RSRC1: variants seen among roughly 807,000 people sequenced by gnomAD.
RSRC1 encodes the protein serine/Arginine-related protein 53.
RSRC1 carries 39 observed loss-of-function variants against 49.1 expected under a neutral mutation model. The observed-to-expected ratio is 0.79, with a 90% CI of 0.61 to 1.04. The LOEUF is 1.04. Among genes scored for constraint, RSRC1 ranks in the 50% least tolerant of loss-of-function variants. The pLI, the probability that RSRC1 is intolerant of heterozygous loss-of-function variation, is 0.00. For synonymous variants in RSRC1, 143 were observed against 130.8 expected (o/e 1.09, Z -0.63); for missense variants, 388 against 402.4 (o/e 0.96, Z 0.31).
intron 5 of RSRC1, among the ~76,000 whole-genome samples, chr3:158,323,952 GAGAGAGAC>G (rs1429543181): frequency 2.0e-5 from 2 of 99,034 alleles, no homozygotes; most frequent in African/African-American, 6.8e-5. Flanking sequence ...TATATACACA[GAGAGAGAC>G]AGAGAATCAA....
chr3:158,224,809 A>G (rs181483520), intron 4 of RSRC1, among the ~76,000 whole-genome samples: 103 of 152,004 alleles, frequency 6.8e-4, no homozygotes, highest in African/African-American at 2.3e-3. Flanking sequence ...TGAACAAGCT[A>G]TGAAATGTAT....
chr3:158,234,750 A>G (rs1451347697), intron 4 of RSRC1, among the ~76,000 whole-genome samples: 3 of 152,178 alleles, frequency 2.0e-5, no homozygotes, highest in Non-Finnish European at 4.4e-5. Flanking sequence ...TGAAATAATC[A>G]TGGTGACAAA....
chr3:158,194,136 T>A (rs1433959359), intron 3 of RSRC1, among the ~76,000 whole-genome samples: 2 of 151,490 alleles, frequency 1.3e-5, no homozygotes, highest in Non-Finnish European at 2.9e-5. Context: ...GTGGCACAGC[T>A]GTAGTCCCAC....
intron 6 of RSRC1, among the ~76,000 whole-genome samples, chr3:158,381,928 T>C (rs1732722949): frequency 6.6e-6 from 1 of 152,176 alleles, no homozygotes. Flanking sequence ...TACACTAAAT[T>C]CATTTAAATT....
At chr3:158,532,208 G>T (rs1712439131) in intron 7 of RSRC1, among the ~76,000 whole-genome samples, 1 of 151,782 alleles carries the variant, frequency 6.6e-6, no homozygotes, top group Non-Finnish European at 1.5e-5. Context: ...AACATAAAAT[G>T]CATCTTTGGG....
At chr3:158,474,956 C>T (rs1738303737) in intron 7 of RSRC1, among the ~76,000 whole-genome samples, 2 of 152,178 alleles carry the variant, frequency 1.3e-5, no homozygotes, top group South Asian at 4.2e-4. Flanking sequence ...TGCTTAGTTG[C>T]CCAGCTGAAA....
At chr3:158,304,278 C>T (rs1452982995) in intron 5 of RSRC1, among the ~76,000 whole-genome samples, 1 of 152,076 alleles carries the variant, frequency 6.6e-6, no homozygotes, top group Non-Finnish European at 1.5e-5. Flanking sequence ...TATCAGGTTC[C>T]AATAAAAGCC....
intron 4 of RSRC1, among the ~76,000 whole-genome samples, chr3:158,233,559 G>C (rs867654073): frequency 6.6e-6 from 1 of 152,022 alleles, no homozygotes. Context: ...GTTTTAATTC[G>C]ATCTTAAAGC....
In RSRC1 at chr3:158,405,097, C is replaced by A. The variant is rs763556404; in HGVS notation, c.583+50189C>A. Among the ~76,000 whole-genome samples the A allele has an allele frequency of 3.3e-5, 5 of 152,022 alleles. No homozygotes were observed. In the South Asian group the frequency reaches 8.3e-4, roughly 25 times the overall value. On this transcript the variant is annotated intron_variant, in intron 6 of 9. Transcript: ENST00000611884. ...AAAAATCAAGCTAGCAGATTTTTTG[C>A]ATGAAAAATTAATTGCTGTATATAC...
intron 6 of RSRC1, among the ~76,000 whole-genome samples, chr3:158,425,536 G>A (rs1735373091): frequency 6.6e-6 from 1 of 151,944 alleles, no homozygotes; most frequent in African/African-American, 2.4e-5. Flanking sequence ...ATGTGGTGTG[G>A]TGCTGAAAAA....
intron 3 of RSRC1, among the ~76,000 whole-genome samples, chr3:158,151,817 A>G (rs1476872833): frequency 6.6e-6 from 1 of 152,196 alleles, no homozygotes; most frequent in African/African-American, 2.4e-5. Context: ...AATACTGTAC[A>G]AGTATTGCTC....
At chr3:158,291,585 ATTACT>A (rs1352925122) in intron 4 of RSRC1, among the ~76,000 whole-genome samples, 5 of 152,214 alleles carry the variant, frequency 3.3e-5, no homozygotes, top group Non-Finnish European at 7.4e-5. Flanking sequence ...AAAAATTGTC[ATTACT>A]TTACTGGGAG....
intron 5 of RSRC1, among the ~76,000 whole-genome samples, chr3:158,318,388 A>T (rs891761123): frequency 5.9e-5 from 9 of 152,186 alleles, no homozygotes; most frequent in Non-Finnish European, 1.2e-4. Flanking sequence ...ATATCTTTTT[A>T]TTCTAGCCTT....
At chr3:158,454,584 A>G (rs773252586) in intron 6 of RSRC1, among the ~76,000 whole-genome samples, 5 of 152,072 alleles carry the variant, frequency 3.3e-5, no homozygotes, top group African/African-American at 4.8e-5. Flanking sequence ...CCAAGATGCA[A>G]TCAGTATCTT....
At chr3:158,453,287 C>T (rs755579334) in intron 6 of RSRC1, among the ~76,000 whole-genome samples, 17 of 151,722 alleles carry the variant, frequency 1.1e-4, no homozygotes, top group Non-Finnish European at 2.4e-4. Flanking sequence ...GCACACATAT[C>T]TATAGAATAG....
intron 6 of RSRC1, among the ~76,000 whole-genome samples, chr3:158,448,018 T>C (rs1011792716): frequency 1.3e-5 from 2 of 151,864 alleles, no homozygotes; most frequent in South Asian, 2.1e-4. Flanking sequence ...TAGTGGAGTC[T>C]AAGATATGAT....
intron 4 of RSRC1, among the ~76,000 whole-genome samples, chr3:158,204,605 A>G (rs1721248534): frequency 6.6e-6 from 1 of 152,212 alleles, no homozygotes; most frequent in South Asian, 2.1e-4. Context: ...AGTCAGTAGG[A>G]TGATAAATTC....
At chr3:158,202,125 C>T (rs1044745222) in intron 3 of RSRC1, among the ~76,000 whole-genome samples, 11 of 152,094 alleles carry the variant, frequency 7.2e-5, no homozygotes, top group African/African-American at 2.7e-4. Context: ...AGTGATTCTC[C>T]TGTTTCAGCT....
intron 4 of RSRC1, among the ~76,000 whole-genome samples, chr3:158,228,953 TAA>T (rs1468489497): frequency 8.4e-5 from 12 of 142,500 alleles, no homozygotes; most frequent in Non-Finnish European, 1.6e-4. Flanking sequence ...TATGTGTGTA[TAA>T]ACACACATAC....
Sources: gnomAD v4.1 joint callset for allele counts (sites outside exome capture counted in the v4.1 genomes callset) on GRCh38, gnomAD v4.1.1 for gene constraint, MANE v1.5 for transcripts, NCBI Gene and HGNC (gene_info 2026-07-23, HGNC 2026-07-21) for gene names.